Variants in GBE1 observed in about 807,000 individuals in gnomAD.
The protein encoded by GBE1 is 1,4-alpha-glucan-branching enzyme.
GBE1 carries 70 observed loss-of-function variants against 88.8 expected under a neutral mutation model. That is an observed-to-expected ratio of 0.79 (90% CI 0.65 to 0.96). The LOEUF is 0.96. GBE1 is among the 40% of genes least tolerant of loss of function. The probability of loss-of-function intolerance (pLI) is 0.00; values close to 1 mark genes in which losing one functional copy is unlikely to be tolerated. For synonymous variants in GBE1, 284 were observed against 300.1 expected (o/e 0.95, Z 0.56); for missense variants, 872 against 871.0 (o/e 1.00, Z -0.01).
chr3:81,577,286 C>T (rs1703662251), intron 12 of GBE1, among the ~76,000 whole-genome samples: 1 of 152,000 alleles, frequency 6.6e-6, no homozygotes, highest in South Asian at 2.1e-4. Flanking sequence ...GTATATATTC[C>T]CCAGTCTTTG....
At chr3:81,748,587 G>C (rs145571924) in intron 1 of GBE1, among the ~76,000 whole-genome samples, 3,724 of 152,054 alleles carry the variant, frequency 0.024, 87 homozygotes, top group Non-Finnish European at 0.039. Context: ...CTCCAGCCTG[G>C]GTGATAGAGC....
intron 14 of GBE1, among the ~76,000 whole-genome samples, chr3:81,508,016 G>A (rs1254683152): frequency 6.6e-6 from 1 of 152,128 alleles, no homozygotes; most frequent in Non-Finnish European, 1.5e-5. Flanking sequence ...CAAAGGATGA[G>A]GGGCTCAAAT....
chr3:81,516,162 G>C (rs1006557824), intron 14 of GBE1, among the ~76,000 whole-genome samples: 1 of 151,538 alleles, frequency 6.6e-6, no homozygotes, highest in Non-Finnish European at 1.5e-5. Flanking sequence ...ATAACTACTG[G>C]GAAGACAGTA....
chr3:81,540,478 T>C (rs962797362), intron 12 of GBE1, among the ~76,000 whole-genome samples: 16 of 152,148 alleles, frequency 1.1e-4, no homozygotes, highest in African/African-American at 3.4e-4. Flanking sequence ...TTAATCTCTC[T>C]AGTGCTTGGT....
chr3:81,533,827 T>C (rs1026790741), intron 14 of GBE1, among the ~76,000 whole-genome samples: 10 of 152,052 alleles, frequency 6.6e-5, no homozygotes, highest in African/African-American at 2.4e-4. Flanking sequence ...TTGTTGTATC[T>C]GAAGGTGGGT....
intron 7 of GBE1, among the ~76,000 whole-genome samples, chr3:81,598,420 T>C (rs933960445): frequency 1.3e-5 from 2 of 151,902 alleles, no homozygotes; most frequent in Non-Finnish European, 2.9e-5. Flanking sequence ...AGTCTTAAAT[T>C]ATAATAAAAA....
At chr3:81,748,565 C>A (rs1049029177) in intron 1 of GBE1, among the ~76,000 whole-genome samples, 6 of 151,844 alleles carry the variant, frequency 4.0e-5, no homozygotes, top group Non-Finnish European at 8.8e-5. Context: ...GAGCCGAGAC[C>A]GCGCCACTGC....
intron 7 of GBE1, among the ~76,000 whole-genome samples, chr3:81,611,039 G>T (rs554536103): frequency 6.6e-6 from 1 of 151,816 alleles, no homozygotes; most frequent in Non-Finnish European, 1.5e-5. Context: ...TACTCTCAAT[G>T]GAGATTAAGT....
chr3:81,640,643 A>G (rs1704663881), intron 7 of GBE1, among the ~76,000 whole-genome samples: 1 of 151,754 alleles, frequency 6.6e-6, no homozygotes, highest in Admixed American at 6.6e-5. Context: ...TATATATCCT[A>G]TTAGTTCTCT....
At chr3:81,632,673 T>G (rs1046715691) in intron 7 of GBE1, among the ~76,000 whole-genome samples, 1 of 152,128 alleles carries the variant, frequency 6.6e-6, no homozygotes, top group African/African-American at 2.4e-5. Context: ...GAACTAGAAA[T>G]ATCATTTGAC....
In GBE1 at chr3:81,761,511, C is replaced by T. The variant is rs755764551; in HGVS notation, c.7G>A (p.Ala3Thr). 1 of 1,607,496 alleles carries T rather than the reference C, an allele frequency of 6.2e-7. No homozygotes were observed. Among genetic ancestry groups the T allele is most frequent in the Non-Finnish European group, 8.5e-7 (1 of 1,177,710 alleles). The change falls in exon 1 of 16, where the codon GCT becomes ACT. Residue 3 changes from alanine to threonine, a missense_variant. By Grantham distance (58) the Ala-to-Thr change is moderately conservative (BLOSUM62 0). Coordinates refer to ENST00000429644, the MANE Select transcript of GBE1 (RefSeq NM_000158.4). Reference protein sequence around the residue: MAAPMTPAARPED... With the variant: MATPMTPAARPED... ...GGCCGAGCCGCGGGAGTCATCGGAG[C>T]CGCCATATTCCGCCGCAGTCCAAGT...
chr3:81,624,586 C>T (rs1453380809), intron 7 of GBE1, among the ~76,000 whole-genome samples: 2 of 151,964 alleles, frequency 1.3e-5, no homozygotes, highest in Admixed American at 1.3e-4. Flanking sequence ...TTTCTGAAAA[C>T]CAAAATATTA....
intron 7 of GBE1, among the ~76,000 whole-genome samples, chr3:81,616,516 G>A (rs183960863): frequency 1.1e-3 from 161 of 152,162 alleles, no homozygotes; most frequent in African/African-American, 3.6e-3. Flanking sequence ...GCATATTTGC[G>A]TAGGTCTATT....
At chr3:81,653,941 T>C (rs934976177) in intron 3 of GBE1, among the ~76,000 whole-genome samples, 4 of 152,176 alleles carry the variant, frequency 2.6e-5, no homozygotes, top group African/African-American at 9.6e-5. Context: ...AATATATGAA[T>C]CATCTAATCA....
chr3:81,588,852 C>T (rs1398942710), intron 9 of GBE1, among the ~76,000 whole-genome samples: 1 of 152,004 alleles, frequency 6.6e-6, no homozygotes, highest in Admixed American at 6.6e-5. Context: ...TCATTGTCTC[C>T]GTGATTGGCT....
chr3:81,662,614 C>G (rs931443910), intron 3 of GBE1, among the ~76,000 whole-genome samples: 2 of 150,990 alleles, frequency 1.3e-5, no homozygotes, highest in Non-Finnish European at 2.9e-5. Flanking sequence ...TTTGCAATTT[C>G]CATACTATGC....
At chr3:81,609,182 G>C (rs1436364669) in intron 7 of GBE1, among the ~76,000 whole-genome samples, 1 of 152,168 alleles carries the variant, frequency 6.6e-6, no homozygotes, top group Non-Finnish European at 1.5e-5. Context: ...AAAGGGGAAT[G>C]AAAGTGTCCT....
At chr3:81,742,699 G>A (rs1303423043) in intron 1 of GBE1, among the ~76,000 whole-genome samples, 1 of 152,040 alleles carries the variant, frequency 6.6e-6, no homozygotes, top group Non-Finnish European at 1.5e-5. Flanking sequence ...TTAAATAGGA[G>A]AATGTTCTGA....
intron 12 of GBE1, among the ~76,000 whole-genome samples, chr3:81,559,458 C>A (rs561750013): frequency 1.5e-5 from 2 of 131,526 alleles, no homozygotes; most frequent in South Asian, 4.7e-4. Context: ...GCCTCTTCAG[C>A]CATTTTTTTT....
Sources: gnomAD v4.1 joint callset for allele counts (sites outside exome capture counted in the v4.1 genomes callset) on GRCh38, gnomAD v4.1.1 for gene constraint, MANE v1.5 for transcripts, NCBI Gene and HGNC (gene_info 2026-07-23, HGNC 2026-07-21) for gene names.